Variants in CFAP300 observed in about 807,000 individuals in gnomAD.
The protein encoded by CFAP300 is cilia- and flagella-associated protein 300.
CFAP300 carries 32 observed loss-of-function variants against 33.0 expected under a neutral mutation model. The ratio of observed to expected loss-of-function variants is 0.97; its 90% CI spans 0.73 to 1.30. The LOEUF is 1.30. Among genes scored for constraint, CFAP300 ranks in the 50% most tolerant of loss-of-function variants. The probability of loss-of-function intolerance (pLI) is 0.00; values close to 1 mark genes in which losing one functional copy is unlikely to be tolerated. For missense variants in CFAP300, 356 were observed against 318.1 expected (o/e 1.12, Z -0.90); for synonymous variants, 102 against 106.8 (o/e 0.95, Z 0.28).
At chr11:102,068,911 T>A (rs1020827607) in intron 4 of CFAP300, among the ~76,000 whole-genome samples, 3 of 152,216 alleles carry the variant, frequency 2.0e-5, no homozygotes, top group Non-Finnish European at 2.9e-5. Context: ...TGGGTTTCCC[T>A]CCTTTTGGAT....
chr11:102,055,274 C>T (rs749799629), intron 2 of CFAP300, among the ~76,000 whole-genome samples: 10 of 151,462 alleles, frequency 6.6e-5, no homozygotes, highest in South Asian at 2.1e-4. Flanking sequence ...TCACCGCACC[C>T]GGCCTATGAT....
intron 2 of CFAP300, among the ~76,000 whole-genome samples, chr11:102,052,183 G>A (rs1463538086): frequency 2.0e-5 from 3 of 152,138 alleles, no homozygotes; most frequent in South Asian, 4.1e-4. Flanking sequence ...TTCACTGCAG[G>A]CCAGTTGACC....
intron 3 of CFAP300, among the ~76,000 whole-genome samples, chr11:102,059,838 TCTCA>T (rs1032029175): frequency 6.7e-6 from 1 of 149,972 alleles, no homozygotes; most frequent in Non-Finnish European, 1.5e-5. Flanking sequence ...TGAGACAGTG[TCTCA>T]CTCTGTCACC....
intron 5 of CFAP300, among the ~76,000 whole-genome samples, chr11:102,080,549 C>A (rs1942459184): frequency 6.6e-6 from 1 of 152,006 alleles, no homozygotes; most frequent in African/African-American, 2.4e-5. Context: ...TCCCGAGTAC[C>A]TGGGATTACA....
intron 5 of CFAP300, 136 bp downstream of exon 5, chr11:102,076,181 C>G (rs1942392970): frequency 2.2e-6 from 2 of 912,068 alleles, no homozygotes; most frequent in Admixed American, 3.8e-5. Flanking sequence ...ACCCTTACCC[C>G]CCTCTCATAA....
intron 2 of CFAP300, among the ~76,000 whole-genome samples, chr11:102,049,260 C>T (rs1282268972): frequency 1.3e-5 from 2 of 152,194 alleles, no homozygotes; most frequent in African/African-American, 4.8e-5. Context: ...CCTCCCTTGG[C>T]GTCCTTTAGT....
intron 2 of CFAP300, among the ~76,000 whole-genome samples, chr11:102,048,971 G>A (rs376444346): frequency 1.3e-5 from 2 of 152,152 alleles, no homozygotes; most frequent in African/African-American, 4.8e-5. Flanking sequence ...TTCCAGTGCT[G>A]GGGATACGAG....
chr11:102,050,798 G>A (rs1169897355), intron 2 of CFAP300, among the ~76,000 whole-genome samples: 1 of 152,156 alleles, frequency 6.6e-6, no homozygotes, highest in Non-Finnish European at 1.5e-5. Context: ...AGATGGGTGG[G>A]ATAATATTTT....
chr11:102,080,521 G>A (rs562071587), intron 5 of CFAP300, among the ~76,000 whole-genome samples: 13 of 152,038 alleles, frequency 8.6e-5, no homozygotes, highest in South Asian at 2.1e-4. Context: ...AGGTTCAAGC[G>A]ATTCTTCTGC....
chr11:102,050,488 T>C (rs1941952415), intron 2 of CFAP300, among the ~76,000 whole-genome samples: 1 of 152,226 alleles, frequency 6.6e-6, no homozygotes, highest in Admixed American at 6.5e-5. Flanking sequence ...AATGTATTTC[T>C]GAGATGATAA....
chr11:102,079,238 T>G (rs1376177058), intron 5 of CFAP300, among the ~76,000 whole-genome samples: 1 of 152,176 alleles, frequency 6.6e-6, no homozygotes, highest in African/African-American at 2.4e-5. Flanking sequence ...GATCAATACT[T>G]AGAATTAGAT....
chr11:102,047,449 C>T lies in CFAP300; in HGVS notation c.-22C>T, dbSNP rs748504645. On this transcript the variant is annotated 5_prime_UTR_variant, in exon 1 of 7. Transcript: ENST00000434758. ...CGCGTCTCCATGGAAACGGCCCAGG[C>T]ATCCACCCAGCCGAGAGCACGATGG... 1.6e-5 allele frequency: 24 copies of T among 1,526,182 alleles called. No homozygotes were observed. The South Asian group carries it at 2.9e-4, about 18-fold the overall frequency. The allele number at this position is 1,526,182 out of a possible 1,614,324, so 94.5% of individuals were successfully genotyped here.
At chr11:102,055,257 G>A (rs1346999813) in intron 2 of CFAP300, among the ~76,000 whole-genome samples, 1 of 151,970 alleles carries the variant, frequency 6.6e-6, no homozygotes, top group Non-Finnish European at 1.5e-5. Context: ...GGGATTACAG[G>A]TGTGAGTCAC....
intron 5 of CFAP300, among the ~76,000 whole-genome samples, chr11:102,078,899 G>A (rs946636512): frequency 6.6e-5 from 10 of 151,884 alleles, no homozygotes; most frequent in Admixed American, 6.6e-4. Flanking sequence ...TTGTAGAGGC[G>A]GGGTTTCACC....
chr11:102,048,004 C>T, intron 2 of CFAP300, 108 bp downstream of exon 2: 1 of 1,042,408 alleles, frequency 9.6e-7, no homozygotes, highest in South Asian at 1.8e-5. Context: ...ACGTCGTTTT[C>T]TTGGCGTTTG....
rs140085484 is a variant in CFAP300 at position 102,074,449 on chromosome 11, C to T, written c.436-1424C>T. On this transcript the variant is annotated intron_variant, in intron 4 of 6. Transcript: ENST00000434758. ...CCAGCCAATCCCAGCTCCTTCTGTG[C>T]TTGTGTGTTTCCTGTCACCTCTCTG... 2.0e-3 allele frequency among the ~76,000 whole-genome samples: 300 copies of T among 152,282 alleles called. 1 individual carries two copies. Among genetic ancestry groups the T allele is most frequent in the African/African-American group, 6.9e-3 (285 of 41,564 alleles).
rs144637779 is a variant in CFAP300, at chr11:102,077,147, G to A, written c.608+1102G>A. Among the ~76,000 whole-genome samples, 15 of 152,014 alleles carry A rather than the reference G, an allele frequency of 9.9e-5. No homozygotes were observed. The East Asian group carries it at 2.3e-3, about 23-fold the overall frequency. On this transcript the variant is annotated intron_variant, in intron 5 of 6. Transcript: ENST00000434758. Reference sequence around the variant, plus strand: ...ATACTACTACCACTACTACCACAACGCGTTGTACCCCATCCGCCACATGAA... The same window carrying A: ...ATACTACTACCACTACTACCACAACACGTTGTACCCCATCCGCCACATGAA...
intron 4 of CFAP300, among the ~76,000 whole-genome samples, chr11:102,070,304 C>T (rs952915485): frequency 2.0e-5 from 3 of 152,120 alleles, no homozygotes; most frequent in African/African-American, 2.4e-5. Context: ...ATGGACAACA[C>T]CATAGAGTTG....
chr11:102,066,065 C>T (rs1017251617), intron 3 of CFAP300, among the ~76,000 whole-genome samples: 2 of 150,414 alleles, frequency 1.3e-5, no homozygotes, highest in African/African-American at 4.9e-5. Context: ...TCAAGCAGTT[C>T]TCCTGCCTCA....
Sources: gnomAD v4.1 joint callset for allele counts (sites outside exome capture counted in the v4.1 genomes callset) on GRCh38, gnomAD v4.1.1 for gene constraint, MANE v1.5 for transcripts, NCBI Gene and HGNC (gene_info 2026-07-23, HGNC 2026-07-21) for gene names.